KLHL32: variants seen among roughly 807,000 people sequenced by gnomAD.
KLHL32 encodes the protein kelch like family member 32.
A neutral mutation model predicts 64.8 loss-of-function variants in KLHL32; 35 were observed. The ratio of observed to expected loss-of-function variants is 0.54; its 90% confidence interval spans 0.41 to 0.72. The LOEUF is 0.72. KLHL32 is among the 30% of genes least tolerant of loss of function. The pLI is 0.00. For synonymous variants in KLHL32, 259 were observed against 281.0 expected, an observed-to-expected ratio of 0.92 and a Z score of 0.78; for missense variants, 589 against 768.5, an observed-to-expected ratio of 0.77 and a Z score of 2.76.
At chr6:96,908,617 A>G in the KLHL32 span, among the ~76,000 whole-genome samples, 1 of 152,190 alleles carries the variant, frequency 6.6e-6, no homozygotes, top group Non-Finnish European at 1.5e-5. Flanking sequence ...CACTTAAAAC[A>G]TGGCAGTAAT....
At chr6:97,139,006 G>A (rs1254784088) in intron 10 of KLHL32, 115 bp from the exon 11 acceptor site, 1 of 921,160 alleles carries the variant, frequency 1.1e-6, no homozygotes, top group Non-Finnish European at 1.6e-6. Context: ...GAATTCCTAA[G>A]ATATGGTGAT....
chr6:97,106,997 G>T (rs1014796083), intron 6 of KLHL32, among the ~76,000 whole-genome samples: 1 of 151,970 alleles, frequency 6.6e-6, no homozygotes, highest in Non-Finnish European at 1.5e-5. Context: ...ATTGAATATA[G>T]AAGTTATTTT....
At chr6:97,001,124 TA>T (rs1274542578) in intron 3 of KLHL32, among the ~76,000 whole-genome samples, 2 of 152,172 alleles carry the variant, frequency 1.3e-5, no homozygotes, top group Non-Finnish European at 2.9e-5. Flanking sequence ...CATACATTTA[TA>T]AAAACCCATA....
At chr6:96,953,499 A>G (rs186841626) in intron 1 of KLHL32, among the ~76,000 whole-genome samples, 2 of 152,216 alleles carry the variant, frequency 1.3e-5, no homozygotes, top group Admixed American at 1.3e-4. Flanking sequence ...GTGTGGTGGC[A>G]CATAACTGTA....
intron 3 of KLHL32, chr6:97,025,115 G>C: frequency 1.0e-6 from 1 of 985,174 alleles, no homozygotes; most frequent in Non-Finnish European, 1.2e-6. Context: ...TTACAAAAGA[G>C]GAGAAGACAT....
chr6:96,913,415 A>C, the KLHL32 span, among the ~76,000 whole-genome samples: 2 of 152,262 alleles, frequency 1.3e-5, no homozygotes, highest in African/African-American at 4.8e-5. Flanking sequence ...ATACATACCC[A>C]GTGGTTTGCT....
At chr6:97,094,789 T>C (rs1323759950) in intron 6 of KLHL32, among the ~76,000 whole-genome samples, 4 of 152,176 alleles carry the variant, frequency 2.6e-5, no homozygotes, top group South Asian at 2.1e-4. Flanking sequence ...GTATTACTTA[T>C]GCTTCAAGAA....
intron 2 of KLHL32, among the ~76,000 whole-genome samples, chr6:96,971,236 C>A (rs1775069674): frequency 6.6e-6 from 1 of 152,094 alleles, no homozygotes; most frequent in Admixed American, 6.5e-5. Context: ...ATTTGAAATG[C>A]AGATGTTTAA....
intron 2 of KLHL32, among the ~76,000 whole-genome samples, chr6:96,973,636 G>A (rs1211897285): frequency 6.6e-6 from 1 of 151,404 alleles, no homozygotes; most frequent in Non-Finnish European, 1.5e-5. Flanking sequence ...CTAAAAGGCT[G>A]ATTTTGAGAT....
chr6:97,101,798 T>G (rs563443314), intron 6 of KLHL32, among the ~76,000 whole-genome samples: 1 of 152,374 alleles, frequency 6.6e-6, no homozygotes, highest in African/African-American at 2.4e-5. Flanking sequence ...GTGAAGTATT[T>G]AATACTGTAT....
At chr6:97,005,876 A>G (rs1779605582) in intron 3 of KLHL32, among the ~76,000 whole-genome samples, 1 of 151,554 alleles carries the variant, frequency 6.6e-6, no homozygotes, top group African/African-American at 2.4e-5. Flanking sequence ...TATTTTTTTT[A>G]ATTTTCTGAG....
intron 3 of KLHL32, among the ~76,000 whole-genome samples, chr6:97,020,020 G>T (rs2128103592): frequency 6.7e-6 from 1 of 148,972 alleles, no homozygotes; most frequent in Middle Eastern, 3.4e-3. Context: ...TTGGCTCACT[G>T]CAACCTCTGC....
intron 1 of KLHL32, among the ~76,000 whole-genome samples, chr6:96,962,947 C>T (rs927259612): frequency 1.9e-4 from 29 of 152,246 alleles, no homozygotes; most frequent in African/African-American, 6.3e-4. Flanking sequence ...TGGTACTAGT[C>T]TTTTGGGGGT....
chr6:97,015,196 T>C (rs1207994643), intron 3 of KLHL32, among the ~76,000 whole-genome samples: 1 of 152,210 alleles, frequency 6.6e-6, no homozygotes, highest in African/African-American at 2.4e-5. Flanking sequence ...TCACCCAGTC[T>C]TGGGTATTTA....
At chr6:96,903,274 A>G in the KLHL32 span, among the ~76,000 whole-genome samples, 3 of 151,730 alleles carry the variant, frequency 2.0e-5, no homozygotes, top group African/African-American at 7.2e-5. Flanking sequence ...ATATAAATAT[A>G]TATACAATTA....
intron 3 of KLHL32, among the ~76,000 whole-genome samples, chr6:97,020,349 AG>A (rs1279590576): frequency 6.6e-6 from 1 of 151,150 alleles, no homozygotes; most frequent in Non-Finnish European, 1.5e-5. Flanking sequence ...TGTTATCTAG[AG>A]ATGAAAATAA....
chr6:97,059,214 A>AT (rs1788480440), intron 4 of KLHL32, among the ~76,000 whole-genome samples: 1 of 152,186 alleles, frequency 6.6e-6, no homozygotes, highest in African/African-American at 2.4e-5. Flanking sequence ...AATGAGTAGG[A>AT]TTTTGACATA....
chr6:97,074,698 C>T (rs150398681), intron 5 of KLHL32, among the ~76,000 whole-genome samples: 1 of 151,526 alleles, frequency 6.6e-6, no homozygotes, highest in African/African-American at 2.4e-5. Flanking sequence ...TTTCAGCAAT[C>T]TGACTTTGTG....
the KLHL32 span, among the ~76,000 whole-genome samples, chr6:96,906,241 G>A: frequency 6.6e-6 from 1 of 152,172 alleles, no homozygotes; most frequent in African/African-American, 2.4e-5. Flanking sequence ...CAGAACCATA[G>A]AATAATAAAT....
Sources: gnomAD v4.1 joint callset for allele counts (sites outside exome capture counted in the v4.1 genomes callset) on GRCh38, gnomAD v4.1.1 for gene constraint, MANE v1.5 for transcripts, NCBI Gene and HGNC (gene_info 2026-07-23, HGNC 2026-07-21) for gene names.